The following RSPO2 variants were observed in gnomAD, a reference collection of about 807,000 sequenced individuals.
The protein encoded by RSPO2 is R-spondin-2.
A neutral mutation model predicts 30.9 loss-of-function variants in RSPO2; 14 were observed. That is an observed-to-expected ratio of 0.45 (90% CI 0.30 to 0.71). The LOEUF is 0.71. Among genes scored for constraint, RSPO2 ranks in the 30% least tolerant of loss-of-function variants. The pLI, the probability that RSPO2 is intolerant of heterozygous loss-of-function variation, is 0.08. For missense variants in RSPO2, 264 were observed against 301.9 expected (o/e 0.87, Z 0.93); for synonymous variants, 107 against 96.4 (o/e 1.11, Z -0.64).
At chr8:107,977,158 A>G (rs1436565378) in intron 3 of RSPO2, among the ~76,000 whole-genome samples, 2 of 152,342 alleles carry the variant, frequency 1.3e-5, no homozygotes, top group South Asian at 2.1e-4. Context: ...AGAAGTGGGG[A>G]GAAATATACA....
chr8:108,055,105 A>G (rs902974875), intron 2 of RSPO2, among the ~76,000 whole-genome samples: 3 of 152,098 alleles, frequency 2.0e-5, no homozygotes, highest in Admixed American at 6.6e-5. Flanking sequence ...TGGGTGACAG[A>G]GCAAGACCTT....
chr8:108,030,913 T>C (rs1206688139), intron 2 of RSPO2, among the ~76,000 whole-genome samples: 3 of 152,226 alleles, frequency 2.0e-5, no homozygotes, highest in East Asian at 1.9e-4. Context: ...TTCACATTCA[T>C]TGAAATCACT....
chr8:107,928,167 T>C (rs1483580849), intron 5 of RSPO2, among the ~76,000 whole-genome samples: 1 of 152,136 alleles, frequency 6.6e-6, no homozygotes, highest in Non-Finnish European at 1.5e-5. Flanking sequence ...CTTGATTATT[T>C]GAACTCTGAA....
chr8:107,975,960 G>A (rs1221729284), intron 3 of RSPO2, among the ~76,000 whole-genome samples: 2 of 152,192 alleles, frequency 1.3e-5, no homozygotes, highest in African/African-American at 4.8e-5. Flanking sequence ...TCAAGTGACG[G>A]CCAGGGTATT....
intron 2 of RSPO2, among the ~76,000 whole-genome samples, chr8:108,014,919 G>A (rs1018541728): frequency 6.0e-5 from 9 of 150,234 alleles, no homozygotes; most frequent in Non-Finnish European, 1.2e-4. Flanking sequence ...GGGGAAAAAA[G>A]AACACTGCAG....
intron 3 of RSPO2, among the ~76,000 whole-genome samples, chr8:107,971,222 A>G (rs10505117): frequency 6.6e-6 from 1 of 152,240 alleles, no homozygotes; most frequent in South Asian, 2.1e-4. Flanking sequence ...GAACTACCAA[A>G]TCCACAAGAA....
intron 2 of RSPO2, among the ~76,000 whole-genome samples, chr8:108,024,001 TA>T (rs1811128133): frequency 6.6e-6 from 1 of 152,136 alleles, no homozygotes. Context: ...GACCACACAT[TA>T]AACATGAATT....
chr8:108,024,368 G>A (rs961847478), intron 2 of RSPO2, among the ~76,000 whole-genome samples: 4 of 151,696 alleles, frequency 2.6e-5, no homozygotes, highest in Non-Finnish European at 5.9e-5. Context: ...TGCAACCAAA[G>A]CCACTAAAAA....
chr8:108,062,359 C>T (rs1586670240), intron 2 of RSPO2, among the ~76,000 whole-genome samples: 1 of 151,788 alleles, frequency 6.6e-6, no homozygotes, highest in Admixed American at 6.6e-5. Flanking sequence ...GGGGATATCA[C>T]CACCGATCCC....
At chr8:107,940,589 A>G (rs1397277353) in intron 5 of RSPO2, among the ~76,000 whole-genome samples, 1 of 152,200 alleles carries the variant, frequency 6.6e-6, no homozygotes, top group African/African-American at 2.4e-5. Flanking sequence ...ACTCCCAGTG[A>G]ATGCTTGGCT....
rs896145803 is a variant in RSPO2, at chr8:107,954,803, G to T, written c.616+3277C>A. On this transcript the variant is annotated intron_variant, in intron 5 of 5. Transcript: ENST00000276659. Reference sequence around the variant, plus strand: ...TTTTTGTATTTTTAGTAGAGGCGGGGTTTCACCATGTTGGCCAGGATGGTC... The same window carrying T: ...TTTTTGTATTTTTAGTAGAGGCGGGTTTTCACCATGTTGGCCAGGATGGTC... Among the ~76,000 whole-genome samples, 6 of 151,932 alleles carry T rather than the reference G, an allele frequency of 3.9e-5. No homozygotes were observed. In the South Asian group the frequency reaches 6.2e-4, roughly 16 times the overall value.
intron 2 of RSPO2, among the ~76,000 whole-genome samples, chr8:108,044,464 T>C (rs73307345): frequency 0.078 from 11,871 of 152,208 alleles, 799 homozygotes; most frequent in African/African-American, 0.17. Flanking sequence ...CATGCAGTAT[T>C]TGGTTTTCTG....
Position 107,900,751 on chromosome 8 carries a change from T to TA in RSPO2, c.*323dup. 1 of 229,986 alleles carries TA rather than the reference T, an allele frequency of 4.3e-6. No individual in the cohort carries two copies. The highest frequency in any genetic ancestry group is 2.2e-5 in the African/African-American group (1 of 44,464). The allele number at this position is 229,986 out of a possible 1,614,324, so 14.2% of individuals were successfully genotyped here. A position where few individuals can be genotyped will look rare whatever the true frequency, so the allele number is the denominator to read the frequency against. On this transcript the variant is annotated 3_prime_UTR_variant, in exon 6 of 6. Transcript: ENST00000276659. Reference sequence around the variant, plus strand: ...TGCCTGCCAAGCATCTTCTTTCACATAAATAGGCACAAGTCCGTCCTCCAG... The same window carrying TA: ...TGCCTGCCAAGCATCTTCTTTCACATAAAATAGGCACAAGTCCGTCCTCCAG...
At chr8:107,955,515 A>G (rs935141149) in intron 5 of RSPO2, among the ~76,000 whole-genome samples, 5 of 152,182 alleles carry the variant, frequency 3.3e-5, no homozygotes, top group African/African-American at 1.2e-4. Context: ...AAGACTGAGT[A>G]TTTCAAGTGT....
At chr8:107,969,913 G>C (rs1476168098) in intron 3 of RSPO2, among the ~76,000 whole-genome samples, 1 of 152,062 alleles carries the variant, frequency 6.6e-6, no homozygotes, top group African/African-American at 2.4e-5. Context: ...ATCAGCTTCA[G>C]ACCTGCATCT....
At chr8:107,939,558 A>C (rs1291018844) in intron 5 of RSPO2, among the ~76,000 whole-genome samples, 2 of 151,694 alleles carry the variant, frequency 1.3e-5, no homozygotes, top group Non-Finnish European at 2.9e-5. Flanking sequence ...AATAACTTAA[A>C]AATGAAGAAT....
At chr8:108,018,878 C>T (rs373346569) in intron 2 of RSPO2, among the ~76,000 whole-genome samples, 10 of 152,112 alleles carry the variant, frequency 6.6e-5, no homozygotes, top group African/African-American at 1.9e-4. Flanking sequence ...AAGAAAACAA[C>T]GTTCATGCCA....
At chr8:108,001,247 C>T (rs1188302530) in intron 2 of RSPO2, among the ~76,000 whole-genome samples, 2 of 152,030 alleles carry the variant, frequency 1.3e-5, no homozygotes, top group African/African-American at 4.8e-5. Context: ...ATGAATACCC[C>T]AAATCAAGTA....
At chr8:108,058,767 A>G (rs1402365821) in intron 2 of RSPO2, among the ~76,000 whole-genome samples, 1 of 151,878 alleles carries the variant, frequency 6.6e-6, no homozygotes, top group East Asian at 1.9e-4. Flanking sequence ...CTATTTAATA[A>G]ATGGTGCTGG....
Sources: allele counts gnomAD v4.1 joint callset (sites outside exome capture counted in the v4.1 genomes callset), GRCh38; gene constraint gnomAD v4.1.1; transcripts MANE v1.5; gene names NCBI Gene and HGNC (gene_info 2026-07-23, HGNC 2026-07-21).